FHIT: variants seen among roughly 807,000 people sequenced by gnomAD.
The protein encoded by FHIT is bis(5'-adenosyl)-triphosphatase.
In FHIT, 19 loss-of-function variants were observed where a neutral mutation model predicts 17.9. The observed-to-expected ratio is 1.06, with a 90% CI of 0.74 to 1.56. The LOEUF (loss-of-function observed/expected upper bound fraction) is 1.56, where lower values mean the gene tolerates loss of function less well. Among genes scored for constraint, FHIT ranks in the 40% most tolerant of loss-of-function variants. FHIT has a pLI of 0.00. For synonymous variants in FHIT, 81 were observed against 69.7 expected (o/e 1.16, Z -0.81); for missense variants, 248 against 189.2 (o/e 1.31, Z -1.82).
intron 1 of FHIT, among the ~76,000 whole-genome samples, chr3:61,205,125 T>A (rs1271685911): frequency 6.6e-6 from 1 of 152,094 alleles, no homozygotes; most frequent in Non-Finnish European, 1.5e-5. Context: ...TCCAGCTTCA[T>A]CCATGTCCCT....
chr3:61,140,233 C>T (rs538223468), intron 2 of FHIT, among the ~76,000 whole-genome samples: 1 of 152,124 alleles, frequency 6.6e-6, no homozygotes, highest in South Asian at 2.1e-4. Context: ...GATTTCTATA[C>T]TTAATAAACA....
At chr3:60,070,459 T>C (rs1702717904) in intron 5 of FHIT, among the ~76,000 whole-genome samples, 1 of 152,228 alleles carries the variant, frequency 6.6e-6, no homozygotes, top group Admixed American at 6.5e-5. Flanking sequence ...TCATGCATCA[T>C]GACGATGATA....
chr3:61,182,888 T>G (rs889060471), intron 2 of FHIT, among the ~76,000 whole-genome samples: 6 of 152,200 alleles, frequency 3.9e-5, no homozygotes, highest in African/African-American at 1.4e-4. Flanking sequence ...ACTGTTTGAT[T>G]TGAAGGCCCT....
At chr3:60,106,935 C>G (rs985872692) in intron 5 of FHIT, among the ~76,000 whole-genome samples, 2 of 151,988 alleles carry the variant, frequency 1.3e-5, no homozygotes, top group Admixed American at 1.3e-4. Context: ...GAAAACTGCT[C>G]TTTAAGGAAA....
intron 5 of FHIT, among the ~76,000 whole-genome samples, chr3:60,350,115 C>A (rs1465675003): frequency 6.6e-6 from 1 of 152,142 alleles, no homozygotes; most frequent in Non-Finnish European, 1.5e-5. Flanking sequence ...AGTACACACT[C>A]CCATACCTAC....
chr3:60,089,870 C>A lies in FHIT; in HGVS notation c.104-75718G>T, dbSNP rs551935605. Among the ~76,000 whole-genome samples, 3 of 152,192 alleles carry A rather than the reference C, an allele frequency of 2.0e-5. No homozygotes were observed. In the East Asian group the frequency reaches 5.8e-4, roughly 29 times the overall value. On this transcript the variant is annotated intron_variant, in intron 5 of 9. Transcript: ENST00000492590. ...GAATTGGGGATTAAGTTTTAACATG[C>A]AATTTGGAGGAGACACAAATATTCA...
chr3:60,350,923 G>A (rs996876561), intron 5 of FHIT, among the ~76,000 whole-genome samples: 1 of 152,088 alleles, frequency 6.6e-6, no homozygotes, highest in Non-Finnish European at 1.5e-5. Flanking sequence ...CTCCCTTGTT[G>A]GCTTTGAAGA....
chr3:60,946,666 GC>G, intron 3 of FHIT, among the ~76,000 whole-genome samples: 1 of 152,152 alleles, frequency 6.6e-6, no homozygotes, highest in Non-Finnish European at 1.5e-5. Flanking sequence ...TATGGCATGT[GC>G]TTTAAAAGCC....
chr3:60,298,825 G>A (rs1170357117), intron 5 of FHIT, among the ~76,000 whole-genome samples: 1 of 152,108 alleles, frequency 6.6e-6, no homozygotes, highest in Admixed American at 6.6e-5. Context: ...TCTGAACCTT[G>A]AGAGGTGGCT....
intron 8 of FHIT, among the ~76,000 whole-genome samples, chr3:59,903,761 G>T (rs1386795904): frequency 6.6e-6 from 1 of 152,118 alleles, no homozygotes; most frequent in Non-Finnish European, 1.5e-5. Context: ...GGAATAATTT[G>T]GTTCCCTGTG....
At chr3:61,242,840 C>G (rs1026570633) in intron 1 of FHIT, among the ~76,000 whole-genome samples, 2 of 152,156 alleles carry the variant, frequency 1.3e-5, no homozygotes, top group African/African-American at 4.8e-5. Flanking sequence ...AGTTTATCAA[C>G]CTGGGTGGTG....
At chr3:60,200,741 T>G (rs768018860) in intron 5 of FHIT, among the ~76,000 whole-genome samples, 9 of 151,880 alleles carry the variant, frequency 5.9e-5, no homozygotes, top group Non-Finnish European at 8.8e-5. Flanking sequence ...AATAATAGAA[T>G]GATTTATTTT....
intron 5 of FHIT, among the ~76,000 whole-genome samples, chr3:60,042,766 G>A (rs1362019122): frequency 6.6e-6 from 1 of 151,480 alleles, no homozygotes; most frequent in Admixed American, 6.6e-5. Context: ...CCATAACAGA[G>A]ATGAGTAAAA....
chr3:60,764,018 A>G (rs1283973788), intron 4 of FHIT, among the ~76,000 whole-genome samples: 1 of 152,160 alleles, frequency 6.6e-6, no homozygotes, highest in Non-Finnish European at 1.5e-5. Context: ...TCCATTTCAC[A>G]GGTGAAAGAA....
chr3:60,104,782 G>A (rs984415507), intron 5 of FHIT, among the ~76,000 whole-genome samples: 7 of 151,888 alleles, frequency 4.6e-5, no homozygotes, highest in Non-Finnish European at 1.0e-4. Context: ...ATGCTACCTC[G>A]CCAAAGTTGA....
chr3:60,896,101 A>G (rs535018430), intron 3 of FHIT, among the ~76,000 whole-genome samples: 3 of 152,156 alleles, frequency 2.0e-5, no homozygotes, highest in Non-Finnish European at 4.4e-5. Context: ...TGAACTGCGC[A>G]TACTCATTAT....
chr3:60,841,612 G>T lies in FHIT; in HGVS notation c.-110-19601C>A, dbSNP rs760300103. Among the ~76,000 whole-genome samples, 76 of 152,192 alleles carry T rather than the reference G, an allele frequency of 5.0e-4. 1 individual carries two copies. The highest frequency in any genetic ancestry group is 1.6e-4 in the Non-Finnish European group (11 of 68,026). On this transcript the variant is annotated intron_variant, in intron 3 of 9. Coordinates refer to ENST00000492590, the MANE Select transcript of FHIT (RefSeq NM_002012.4). ...TTATTTTACTGTCAGAAACCTGGTT[G>T]GGCTGGGCCACCTCTGGCCTCTAGT...
intron 5 of FHIT, among the ~76,000 whole-genome samples, chr3:60,177,774 C>T (rs2107429643): frequency 6.6e-6 from 1 of 152,284 alleles, no homozygotes; most frequent in South Asian, 2.1e-4. Context: ...GTTCTCACTC[C>T]ATCAAGACTT....
intron 4 of FHIT, among the ~76,000 whole-genome samples, chr3:60,564,680 G>A (rs1365684125): frequency 1.3e-5 from 2 of 152,166 alleles, no homozygotes; most frequent in African/African-American, 2.4e-5. Context: ...AGTAAAGCCT[G>A]AAGACGTGAC....
Sources: allele counts gnomAD v4.1 joint callset (sites outside exome capture counted in the v4.1 genomes callset), GRCh38; gene constraint gnomAD v4.1.1; transcripts MANE v1.5; gene names NCBI Gene and HGNC (gene_info 2026-07-23, HGNC 2026-07-21).